Variants in SBNO2 observed in about 807,000 individuals in gnomAD.
SBNO2 encodes the protein strawberry notch homolog 2.
In SBNO2, 89 loss-of-function variants were observed where a neutral mutation model predicts 146.3. The observed-to-expected ratio is 0.61, with a 90% CI of 0.51 to 0.73. SBNO2 has a LOEUF of 0.73. SBNO2 is among the 30% of genes least tolerant of loss of function. SBNO2 has a pLI of 0.00. For synonymous variants in SBNO2, 1,147 were observed against 892.6 expected (o/e 1.29, Z -5.08); for missense variants, 2,092 against 2,003.7 (o/e 1.04, Z -0.84).
At position 1,119,415 on chromosome 19, in the gene SBNO2, C is replaced by T. The variant is rs547192432; in HGVS notation, c.1373+101G>A. 5.1e-4 allele frequency: 510 copies of T among 1,002,838 alleles called. No homozygotes were observed. In the African/African-American group the frequency reaches 6.7e-3, roughly 13 times the overall value. 62.1% of individuals were successfully genotyped at this position (1,002,838 alleles called of 1,614,324 possible). A position where few individuals can be genotyped will look rare whatever the true frequency, so the allele number is the denominator to read the frequency against. On this transcript the variant is annotated intron_variant, in intron 13 of 31. Transcript: ENST00000361757. The stretch of plus-strand genomic sequence containing the variant: ...GACCCACATTCAGCACCTCTGGGTG[C>T]TGGGGAAGCACACGTGGCAGTGCCA...
chr19:1,159,312 C>T (rs1315825074), intron 1 of SBNO2, among the ~76,000 whole-genome samples: 1 of 151,786 alleles, frequency 6.6e-6, no homozygotes, highest in East Asian at 2.0e-4. Context: ...GGGGAGGACA[C>T]TGCAGGCCGT....
In SBNO2 at chr19:1,147,204, C is replaced by CT. The variant is rs1397431439; in HGVS notation, c.279+104dup. ...CGGCCGAGGGGCCAAGCCGAGGTCA[C>CT]TGAGTCCCAGGCAGGCCTGAGCGAG... is the stretch of plus-strand genomic sequence containing the variant. On this transcript the variant is annotated intron_variant, in intron 4 of 31. Coordinates refer to ENST00000361757, the MANE Select transcript of SBNO2 (RefSeq NM_014963.3). 9.4e-6 allele frequency: 7 copies of CT among 744,374 alleles called. No individual in the cohort carries two copies. In the Admixed American group the frequency reaches 2.2e-4, roughly 24 times the overall value. 46.1% of individuals were successfully genotyped at this position (744,374 alleles called of 1,614,324 possible).
At chr19:1,172,834 CGGGCACTCTCGCTGACA>C (rs1436478373) in intron 1 of SBNO2, among the ~76,000 whole-genome samples, 5 of 147,698 alleles carry the variant, frequency 3.4e-5, no homozygotes, top group African/African-American at 1.3e-4. Context: ...GCTCCGAGGC[CGGGCACTCTCGCTGACA>C]GGGCGTGCAA....
Position 1,147,434 on chromosome 19 carries a change from G to GT in SBNO2, c.168-15_168-14insA, listed in dbSNP as rs762035681. ...CTCATGAACGGGCTGGAGGGAGATG[G>GT]GGGGGGGGGAGGTGAGATGGGGTGC... On this transcript the variant is annotated splice_polypyrimidine_tract_variant and intron_variant, in intron 3 of 31. Transcript: ENST00000361757. 12 of 1,133,344 alleles carry GT rather than the reference G, an allele frequency of 1.1e-5. No homozygotes were observed. Among genetic ancestry groups the GT allele is most frequent in the African/African-American group, 4.1e-5 (2 of 48,768 alleles). The allele number at this position is 1,133,344 out of a possible 1,614,324, so 70.2% of individuals were successfully genotyped here.
intron 4 of SBNO2, among the ~76,000 whole-genome samples, chr19:1,139,101 C>T (rs376238326): frequency 2.0e-5 from 3 of 152,248 alleles, no homozygotes; most frequent in Non-Finnish European, 2.9e-5. Context: ...GTCCTGCATG[C>T]GTCCATCATG....
chr19:1,132,589 G>A (rs1004866776), intron 4 of SBNO2, among the ~76,000 whole-genome samples: 1 of 152,218 alleles, frequency 6.6e-6, no homozygotes, highest in African/African-American at 2.4e-5. Flanking sequence ...CACAGGCAGG[G>A]AAACTGCGGC....
intron 1 of SBNO2, among the ~76,000 whole-genome samples, chr19:1,166,197 C>T (rs1448548986): frequency 0.15 from 13,183 of 86,152 alleles, 1,244 homozygotes; most frequent in East Asian, 0.22. Context: ...ACTTCAGATC[C>T]CCGGATCCCC....
In SBNO2 at chr19:1,112,557, C is replaced by G. The variant is rs767503787; in HGVS notation, c.2380-20G>C. 1.1e-4 allele frequency: 171 copies of G among 1,585,194 alleles called. 1 individual carries two copies. The highest frequency in any genetic ancestry group is 2.9e-5 in the Non-Finnish European group (34 of 1,171,776). On this transcript the variant is annotated intron_variant, in intron 20 of 31. Transcript: ENST00000361757. This position sits in a 1 kb window ranked among gnomAD's most constrained non-coding sequence, Gnocchi z 5.9. The stretch of plus-strand genomic sequence containing the variant: ...CACGAGCTAGGGGGAAAGAAGGGGC[C>G]GGGACACGGTTGGTGCAAGGCCCGC...
At chr19:1,165,711 G>T (rs1599885282) in intron 1 of SBNO2, among the ~76,000 whole-genome samples, 1 of 124,416 alleles carries the variant, frequency 8.0e-6, no homozygotes, top group African/African-American at 3.2e-5. Context: ...CCAGACCCCA[G>T]ATCTCAGACC....
In SBNO2 at chr19:1,123,683, G is replaced by A. The variant is rs533130638; in HGVS notation, c.523-44C>T. On this transcript the variant is annotated intron_variant, in intron 6 of 31. Coordinates refer to ENST00000361757, the MANE Select transcript of SBNO2 (RefSeq NM_014963.3). ...CTCAGCGGAGACTGCAGGCCTGAGC[G>A]GCCGCGGGCACTGGGCTCCCCCAGG... The A allele has an allele frequency of 1.7e-5, 26 of 1,549,866 alleles. No individual in the cohort carries two copies. The Middle Eastern group carries it at 5.4e-4, about 32-fold the overall frequency.
In SBNO2 at chr19:1,112,497, G is replaced by C; in HGVS notation, c.2420C>G (p.Ser807Cys). 2 of 1,605,918 alleles carry C rather than the reference G, an allele frequency of 1.2e-6. No homozygotes were observed. Among genetic ancestry groups the C allele is most frequent in the Non-Finnish European group, 1.7e-6 (2 of 1,178,300 alleles). ...IISEASSSGV[S>C]LQADRRVQNQ... ...CTGGACACGGCGGTCGGCTTGGAGGGAGACACCCGAGCTGGAGGCCTCCGA... is the reference window on the plus strand; with the variant it reads ...CTGGACACGGCGGTCGGCTTGGAGGCAGACACCCGAGCTGGAGGCCTCCGA... The change falls in exon 21 of 32, where the codon TCC becomes TGC. Residue 807 changes from serine (S) to cysteine (C), a missense_variant. By Grantham distance (112) the Ser-to-Cys change is moderately radical (BLOSUM62 -1). Transcript: ENST00000361757. The surrounding 1 kb of genome is among the most constrained non-coding windows in gnomAD (Gnocchi z 5.9).
In SBNO2 at chr19:1,117,191, G is replaced by A. The variant is rs1009216214; in HGVS notation, c.1704+132C>T. 1.8e-5 allele frequency: 17 copies of A among 941,176 alleles called. No homozygotes were observed. In the East Asian group the frequency reaches 2.1e-4, roughly 12 times the overall value. 58.3% of individuals were successfully genotyped at this position (941,176 alleles called of 1,614,324 possible). On this transcript the variant is annotated intron_variant, in intron 15 of 31. Coordinates refer to ENST00000361757, the MANE Select transcript of SBNO2 (RefSeq NM_014963.3). Reference sequence around the variant, plus strand: ...GGCTCTGATTGGAAGACGGACATCCGGGCGTCTCTCACCCACCAGGGTGCA... The same window carrying A: ...GGCTCTGATTGGAAGACGGACATCCAGGCGTCTCTCACCCACCAGGGTGCA...
At chr19:1,152,268 C>T (rs987432958) in intron 2 of SBNO2, among the ~76,000 whole-genome samples, 1 of 152,220 alleles carries the variant, frequency 6.6e-6, no homozygotes, top group East Asian at 1.9e-4. Flanking sequence ...GAAGATGGCT[C>T]CTCTGTCTCC....
intron 18 of SBNO2, 108 bp from the exon 19 acceptor site, chr19:1,113,812 C>A: frequency 1.5e-6 from 2 of 1,334,318 alleles, no homozygotes; most frequent in Non-Finnish European, 1.9e-6. Flanking sequence ...CGGGGCAACC[C>A]TGAGGGACGG....
chr19:1,125,093 C>T (rs76119602), intron 5 of SBNO2, among the ~76,000 whole-genome samples: 3 of 151,940 alleles, frequency 2.0e-5, no homozygotes, highest in Admixed American at 1.3e-4. Flanking sequence ...GGCTCACACC[C>T]GTAAATCCCA....
chr19:1,147,606 T>C (rs917367674), intron 3 of SBNO2, among the ~76,000 whole-genome samples, 186 bp from the exon 4 acceptor site: 1 of 151,868 alleles, frequency 6.6e-6, no homozygotes, highest in Non-Finnish European at 1.5e-5. Flanking sequence ...TGGTCAAGCC[T>C]GGGGCTGCCC....
intron 14 of SBNO2, 54 bp from the exon 15 acceptor site, chr19:1,117,553 C>G: frequency 1.3e-6 from 2 of 1,499,528 alleles, no homozygotes; most frequent in Non-Finnish European, 1.8e-6. Flanking sequence ...GCTCCCGACC[C>G]GGGCCCCGGC....
chr19:1,127,840 G>A, intron 4 of SBNO2, 75 bp from the exon 5 acceptor site: 2 of 1,405,272 alleles, frequency 1.4e-6, no homozygotes, highest in Non-Finnish European at 9.9e-7. Flanking sequence ...GAGCACGTGG[G>A]GATGGGAGAC....
chr19:1,160,309 C>A lies in SBNO2; in HGVS notation c.-126-5907G>T, dbSNP rs569903082. 3.3e-5 allele frequency among the ~76,000 whole-genome samples: 5 copies of A among 152,344 alleles called. 1 individual carries two copies. In the South Asian group the frequency reaches 8.3e-4, roughly 25 times the overall value. On this transcript the variant is annotated intron_variant, in intron 1 of 31. Transcript: ENST00000361757. ...TGGGCAGCCCCCCACCCACTGGGTA[C>A]ATCCAACTTCATGCACCAAGAGCCC...
Sources: gnomAD v4.1 joint callset for allele counts (sites outside exome capture counted in the v4.1 genomes callset) on GRCh38, gnomAD v4.1.1 for gene constraint, Gnocchi (gnomAD v3.1) non-coding constraint, MANE v1.5 for transcripts, NCBI Gene and HGNC (gene_info 2026-07-23, HGNC 2026-07-21) for gene names.